Variants in CNTLN observed in about 807,000 individuals in gnomAD.
CNTLN encodes the protein centlein.
A neutral mutation model predicts 180.0 loss-of-function variants in CNTLN; 212 were observed. The observed-to-expected ratio is 1.18, with a 90% CI of 1.05 to 1.32. CNTLN has a LOEUF of 1.32. Ranked by LOEUF, CNTLN falls within the 40% of genes most tolerant of loss-of-function variation. The probability of loss-of-function intolerance (pLI) is 0.00; values close to 1 mark genes in which losing one functional copy is unlikely to be tolerated. For synonymous variants in CNTLN, 722 were observed against 563.1 expected, an observed-to-expected ratio of 1.28 and a Z score of -3.99; for missense variants, 2,095 against 1,610.9, an observed-to-expected ratio of 1.30 and a Z score of -5.14.
chr9:17,479,784 C>T lies in CNTLN; in HGVS notation c.3856-4511C>T, dbSNP rs1183977654. On this transcript the variant is annotated intron_variant, in intron 23 of 25. Coordinates refer to ENST00000380647, the MANE Select transcript of CNTLN (RefSeq NM_017738.4). ...ATAGAATAACATGACTGGTATAAAT[C>T]CAAATATACCAATAACTATAATATA... is the stretch of plus-strand genomic sequence containing the variant. Among the ~76,000 whole-genome samples the T allele has an allele frequency of 2.0e-5, 3 of 151,788 alleles. No individual in the cohort carries two copies. The East Asian group carries it at 5.8e-4, about 29-fold the overall frequency.
At chr9:17,240,902 A>G (rs932912321) in intron 5 of CNTLN, among the ~76,000 whole-genome samples, 1 of 152,006 alleles carries the variant, frequency 6.6e-6, no homozygotes, top group African/African-American at 2.4e-5. Flanking sequence ...TCTGTCACCC[A>G]GGCTGGAGTG....
In CNTLN at chr9:17,330,630, AG is replaced by A; in HGVS notation, c.1342del. 4 of 1,535,944 alleles carry A rather than the reference AG, an allele frequency of 2.6e-6. No individual in the cohort carries two copies. The South Asian group carries it at 5.0e-5, about 19-fold the overall frequency. Reference sequence around the variant, plus strand: ...TATTTACAATTATACTTTTTAAAATAGGTACCTCATCGCCCATCCTTATCAA... The same window carrying A: ...TATTTACAATTATACTTTTTAAAATAGTACCTCATCGCCCATCCTTATCAA... On this transcript the variant is annotated splice_acceptor_variant, in intron 8 of 25. Transcript: ENST00000380647. LOFTEE classifies it high-confidence loss of function.
intron 23 of CNTLN, among the ~76,000 whole-genome samples, chr9:17,467,937 A>G (rs779105642): frequency 6.6e-6 from 1 of 151,724 alleles, no homozygotes; most frequent in Non-Finnish European, 1.5e-5. Context: ...AGACACATGC[A>G]TGCGTATGTT....
chr9:17,488,695 A>G (rs1210264763), intron 25 of CNTLN, among the ~76,000 whole-genome samples: 4 of 152,090 alleles, frequency 2.6e-5, no homozygotes, highest in African/African-American at 9.7e-5. Context: ...GTATAAAAAA[A>G]TTCTGTTGAA....
chr9:17,140,542 C>A, intron 1 of CNTLN, among the ~76,000 whole-genome samples: 1 of 152,058 alleles, frequency 6.6e-6, no homozygotes, highest in African/African-American at 2.4e-5. Context: ...CCGGGCTCAG[C>A]AATCGTCCCA....
At chr9:17,520,670 CT>C in the CNTLN span, among the ~76,000 whole-genome samples, 1 of 152,184 alleles carries the variant, frequency 6.6e-6, no homozygotes, top group African/African-American at 2.4e-5. Flanking sequence ...TTTATTTTAA[CT>C]GATAATTGGG....
At chr9:17,164,470 T>G (rs1819920661) in intron 2 of CNTLN, among the ~76,000 whole-genome samples, 1 of 141,524 alleles carries the variant, frequency 7.1e-6, no homozygotes, top group South Asian at 2.4e-4. Flanking sequence ...TTTTTTTTTT[T>G]TTTTTTTTTT....
At chr9:17,246,571 G>A (rs1001528683) in intron 5 of CNTLN, among the ~76,000 whole-genome samples, 3 of 152,138 alleles carry the variant, frequency 2.0e-5, no homozygotes, top group African/African-American at 7.2e-5. Flanking sequence ...TTTACTCAGG[G>A]ACTAAGGACT....
intron 5 of CNTLN, among the ~76,000 whole-genome samples, chr9:17,246,706 T>A (rs1424291041): frequency 6.6e-6 from 1 of 152,134 alleles, no homozygotes; most frequent in African/African-American, 2.4e-5. Context: ...AAAGTAGGAA[T>A]CTACCTGGTC....
At chr9:17,475,872 CAAAAAA>C (rs67818691) in intron 23 of CNTLN, among the ~76,000 whole-genome samples, 1 of 117,260 alleles carries the variant, frequency 8.5e-6, no homozygotes. Flanking sequence ...GACTCTCTCT[CAAAAAA>C]AAAAAAAAAA....
At chr9:17,516,675 T>C in the CNTLN span, among the ~76,000 whole-genome samples, 1 of 152,174 alleles carries the variant, frequency 6.6e-6, no homozygotes, top group African/African-American at 2.4e-5. Flanking sequence ...TATGGCCTAC[T>C]TTCATGGAGG....
the CNTLN span, among the ~76,000 whole-genome samples, chr9:17,514,856 C>A: frequency 2.6e-5 from 4 of 152,198 alleles, no homozygotes; most frequent in Non-Finnish European, 5.9e-5. Flanking sequence ...AACCATGTGC[C>A]TTTATGACCT....
intron 6 of CNTLN, among the ~76,000 whole-genome samples, chr9:17,291,327 T>G (rs1204240900): frequency 6.6e-6 from 1 of 152,174 alleles, no homozygotes; most frequent in Non-Finnish European, 1.5e-5. Context: ...CAGGTCCACT[T>G]GATCCAGAGC....
At chr9:17,187,968 C>T (rs1017179163) in intron 2 of CNTLN, among the ~76,000 whole-genome samples, 2 of 149,550 alleles carry the variant, frequency 1.3e-5, no homozygotes, top group African/African-American at 4.9e-5. Flanking sequence ...TTTATATACT[C>T]TCTACTTTGC....
chr9:17,325,202 ATATGACTATTATTAAAGTCATTTAT>A (rs151284286), intron 8 of CNTLN, among the ~76,000 whole-genome samples: 42,650 of 149,822 alleles, frequency 0.28, 6,431 homozygotes, highest in South Asian at 0.51. Context: ...TTACAAGAAT[ATATGACTATTATTAAAGTCATTTAT>A]TTTCAGGATA....
intron 8 of CNTLN, among the ~76,000 whole-genome samples, chr9:17,321,505 A>G (rs992789553): frequency 1.3e-5 from 2 of 152,168 alleles, no homozygotes; most frequent in African/African-American, 4.8e-5. Flanking sequence ...AATCCTTGAC[A>G]TAACAATTGT....
chr9:17,525,607 T>C, the CNTLN span, among the ~76,000 whole-genome samples: 1 of 152,318 alleles, frequency 6.6e-6, no homozygotes, highest in African/African-American at 2.4e-5. Flanking sequence ...AAATTAAAAA[T>C]TACATATGTA....
At chr9:17,517,552 A>G in the CNTLN span, among the ~76,000 whole-genome samples, 1 of 152,118 alleles carries the variant, frequency 6.6e-6, no homozygotes, top group Non-Finnish European at 1.5e-5. Context: ...AGATTGGGAG[A>G]CACAAAGATA....
At chr9:17,217,609 G>T (rs896899238) in intron 2 of CNTLN, among the ~76,000 whole-genome samples, 3 of 152,226 alleles carry the variant, frequency 2.0e-5, no homozygotes, top group South Asian at 2.1e-4. Context: ...AGTCTGTTCT[G>T]AAGTGCTGAT....
Sources: gnomAD v4.1 joint callset for allele counts (sites outside exome capture counted in the v4.1 genomes callset) on GRCh38, gnomAD v4.1.1 for gene constraint, MANE v1.5 for transcripts, NCBI Gene and HGNC (gene_info 2026-07-23, HGNC 2026-07-21) for gene names.